The following COL8A2 variants were observed in gnomAD, a reference collection of about 807,000 sequenced individuals.
COL8A2 encodes the protein collagen alpha-2(VIII) chain.
A neutral mutation model predicts 24.0 loss-of-function variants in COL8A2; 16 were observed. The ratio of observed to expected loss-of-function variants is 0.67; its 90% confidence interval spans 0.45 to 1.01. The LOEUF is 1.01. COL8A2 is among the 50% of genes least tolerant of loss of function. The pLI is 0.00. For synonymous variants in COL8A2, 466 were observed against 424.5 expected (o/e 1.10, Z -1.20); for missense variants, 818 against 942.4 (o/e 0.87, Z 1.73).
intron 2 of COL8A2, among the ~76,000 whole-genome samples, chr1:36,101,675 G>A (rs1203974007): frequency 6.6e-6 from 1 of 152,210 alleles, no homozygotes; most frequent in East Asian, 1.9e-4. Flanking sequence ...GCCAAAAGTA[G>A]AGACAACGCA....
At position 36,105,072 on chromosome 1, in the gene COL8A2, G is replaced by A. The variant is rs1404499417; in HGVS notation, c.-16-4814C>T. Among the ~76,000 whole-genome samples, 5 of 152,240 alleles carry A rather than the reference G, an allele frequency of 3.3e-5. No individual in the cohort carries two copies. The East Asian group carries it at 7.7e-4, about 24-fold the overall frequency. Reference sequence around the variant, plus strand: ...GTGGGTTGTGGGCGTCTGGGGATGTGTGTGGGGAGAAGGCCTCCCTCAGGC... The same window carrying A: ...GTGGGTTGTGGGCGTCTGGGGATGTATGTGGGGAGAAGGCCTCCCTCAGGC... On this transcript the variant is annotated intron_variant, in intron 2 of 3. Coordinates refer to ENST00000397799, the MANE Select transcript of COL8A2 (RefSeq NM_005202.4).
At chr1:36,113,504 A>G (rs1030834121) in intron 2 of COL8A2, among the ~76,000 whole-genome samples, 4 of 152,236 alleles carry the variant, frequency 2.6e-5, no homozygotes, top group Admixed American at 6.5e-5. Context: ...TCCCTGGACA[A>G]TGCCTGAGCA....
intron 2 of COL8A2, among the ~76,000 whole-genome samples, chr1:36,101,046 A>G (rs1182142671): frequency 6.6e-6 from 1 of 151,954 alleles, no homozygotes; most frequent in Non-Finnish European, 1.5e-5. Flanking sequence ...GGTGTGTGCC[A>G]CCACGCCTGG....
In COL8A2 at chr1:36,096,547, C is replaced by T. The variant is rs1290003012; in HGVS notation, c.*1022G>A. The T allele has an allele frequency of 1.3e-5, 2 of 152,214 alleles. No individual in the cohort carries two copies. 9.4% of individuals were successfully genotyped at this position (152,214 alleles called of 1,614,324 possible). ...AGTGGGAGCCGTCTTCATCCCCCAGCTCGCGTGCACCTTGTTCAGAGGGCC... is the reference window on the plus strand; with the variant it reads ...AGTGGGAGCCGTCTTCATCCCCCAGTTCGCGTGCACCTTGTTCAGAGGGCC... On this transcript the variant is annotated 3_prime_UTR_variant, in exon 4 of 4. Coordinates refer to ENST00000397799, the MANE Select transcript of COL8A2 (RefSeq NM_005202.4).
chr1:36,100,588 C>T (rs1032294042), intron 2 of COL8A2, among the ~76,000 whole-genome samples: 3 of 152,112 alleles, frequency 2.0e-5, no homozygotes, highest in African/African-American at 7.2e-5. Flanking sequence ...AGTCTGACCT[C>T]CCCTGCTAAA....
At position 36,097,525 on chromosome 1, in the gene COL8A2, C is replaced by G; in HGVS notation, c.*44G>C. ...TTTGTAATTGAAAAGGTCGCTCTAC[C>G]ACTAAAGGGGAGGAGGCCAGGGCAG... On this transcript the variant is annotated 3_prime_UTR_variant, in exon 4 of 4. Coordinates refer to ENST00000397799, the MANE Select transcript of COL8A2 (RefSeq NM_005202.4). The G allele has an allele frequency of 6.9e-7, 1 of 1,451,910 alleles. No homozygotes were observed. Among genetic ancestry groups the G allele is most frequent in the Non-Finnish European group, 9.5e-7 (1 of 1,056,038 alleles). 89.9% of individuals were successfully genotyped at this position (1,451,910 alleles called of 1,614,324 possible).
Position 36,100,139 on chromosome 1 carries a change from G to GC in COL8A2, c.103dup (p.Ala35GlyfsTer24). On this transcript the variant is annotated frameshift_variant, in exon 3 of 4. Transcript: ENST00000397799. LOFTEE classifies it high-confidence loss of function. Reference sequence around the variant, plus strand: ...GTACTTCACTGGGGCATAGCCCGCCGCCCCACCGGCCCCGCCACCAGAGGA... The same window carrying GC: ...GTACTTCACTGGGGCATAGCCCGCCGCCCCCACCGGCCCCGCCACCAGAGGA... 1 of 1,612,056 alleles carries GC rather than the reference G, an allele frequency of 6.2e-7. No homozygotes were observed. The highest frequency in any genetic ancestry group is 1.1e-5 in the South Asian group (1 of 91,042).
At chr1:36,105,524 C>T (rs917480005) in intron 2 of COL8A2, among the ~76,000 whole-genome samples, 2 of 152,240 alleles carry the variant, frequency 1.3e-5, no homozygotes, top group African/African-American at 4.8e-5. Flanking sequence ...GATGGCAGAA[C>T]CCATCAAGGC....
intron 1 of COL8A2, among the ~76,000 whole-genome samples, chr1:36,122,653 C>T (rs1033592163): frequency 6.6e-6 from 1 of 152,152 alleles, no homozygotes; most frequent in African/African-American, 2.4e-5. Flanking sequence ...TTCTTCCTCT[C>T]ATCCCCATGG....
intron 2 of COL8A2, among the ~76,000 whole-genome samples, chr1:36,113,338 G>T (rs1005967344): frequency 7.9e-5 from 12 of 152,178 alleles, no homozygotes; most frequent in African/African-American, 2.9e-4. Context: ...GACACTGTTT[G>T]TCCTTCTCTG....
In COL8A2 at chr1:36,098,088, A is replaced by T; in HGVS notation, c.1593T>A (p.Gly531=). The change falls in exon 4 of 4, where the codon GGT becomes GGA. Residue 531 remains glycine, a synonymous_variant. Transcript: ENST00000397799. ...PGPPGPPGPP[G]APGAFDETGI... The stretch of plus-strand genomic sequence containing the variant: ...CAGTCTCATCGAAGGCCCCAGGGGC[A>T]CCAGGGGGTCCCGGGGGCCCGGGAG... 6.5e-7 allele frequency: 1 copy of T among 1,544,328 alleles called. No homozygotes were observed. Among genetic ancestry groups the T allele is most frequent in the Non-Finnish European group, 8.7e-7 (1 of 1,152,354 alleles).
At chr1:36,100,560 G>A (rs962366389) in intron 2 of COL8A2, among the ~76,000 whole-genome samples, 2 of 152,016 alleles carry the variant, frequency 1.3e-5, no homozygotes, top group African/African-American at 2.4e-5. Flanking sequence ...CTCTGCAGCC[G>A]GGCGTGCCTT....
chr1:36,121,366 G>A (rs1260149384), intron 1 of COL8A2, among the ~76,000 whole-genome samples: 1 of 132,920 alleles, frequency 7.5e-6, no homozygotes. Flanking sequence ...TCCAGCCTGG[G>A]CGACAGAGCC....
At chr1:36,104,477 T>A (rs1466515089) in intron 2 of COL8A2, among the ~76,000 whole-genome samples, 1 of 135,636 alleles carries the variant, frequency 7.4e-6, no homozygotes, top group Non-Finnish European at 1.6e-5. Flanking sequence ...GGTGACAGAG[T>A]GAGACTCTGC....
Position 36,097,727 on chromosome 1 carries a change from T to A in COL8A2, c.1954A>T (p.Lys652Ter). ...VPATYTYDEY[K>*]KGYLDQASGG... Reference sequence around the variant, plus strand: ...GATGCCTGGTCCAGGTAGCCCTTCTTGTACTCATCGTAGGTATAGGTGGCC... The same window carrying A: ...GATGCCTGGTCCAGGTAGCCCTTCTAGTACTCATCGTAGGTATAGGTGGCC... Residue 652 changes from lysine (K) to a stop codon, truncating the protein, a stop_gained, in exon 4 of 4, where the codon AAG (lysine) becomes TAG (stop). Transcript: ENST00000397799. LOFTEE classifies it high-confidence loss of function. 6.2e-7 allele frequency: 1 copy of A among 1,613,740 alleles called. No individual in the cohort carries two copies. Among genetic ancestry groups the A allele is most frequent in the Non-Finnish European group, 8.5e-7 (1 of 1,180,006 alleles).
Position 36,097,469 on chromosome 1 carries a change from T to G in COL8A2, c.*100A>C. On this transcript the variant is annotated 3_prime_UTR_variant, in exon 4 of 4. Coordinates refer to ENST00000397799, the MANE Select transcript of COL8A2 (RefSeq NM_005202.4). The stretch of plus-strand genomic sequence containing the variant: ...CGGGCCAAGGCCACGGCCGCCTCTG[T>G]TCAGCTTTTGTTTTTTTTTCCAGGA... 2 of 1,014,406 alleles carry G rather than the reference T, an allele frequency of 2.0e-6. No individual in the cohort carries two copies. The highest frequency in any genetic ancestry group is 2.9e-6 in the Non-Finnish European group (2 of 678,266). The allele number at this position is 1,014,406 out of a possible 1,614,324, so 62.8% of individuals were successfully genotyped here.
chr1:36,109,503 C>T (rs1243952160), intron 2 of COL8A2, among the ~76,000 whole-genome samples: 2 of 152,150 alleles, frequency 1.3e-5, no homozygotes, highest in Non-Finnish European at 2.9e-5. Context: ...GGATGGGTCA[C>T]TTAAACACTC....
intron 2 of COL8A2, among the ~76,000 whole-genome samples, chr1:36,108,011 G>A (rs10908289): frequency 0.64 from 97,857 of 151,988 alleles, 34,679 homozygotes; most frequent in Non-Finnish European, 0.82. Flanking sequence ...CCTGTACAGG[G>A]CTTGGCTGGC....
chr1:36,110,222 G>C (rs1334442567), intron 2 of COL8A2, among the ~76,000 whole-genome samples: 1 of 149,228 alleles, frequency 6.7e-6, no homozygotes, highest in African/African-American at 2.5e-5. Flanking sequence ...GTGAGCCACC[G>C]CGCCAGGCCT....
Sources: allele counts gnomAD v4.1 joint callset (sites outside exome capture counted in the v4.1 genomes callset), GRCh38; gene constraint gnomAD v4.1.1; transcripts MANE v1.5; gene names NCBI Gene and HGNC (gene_info 2026-07-23, HGNC 2026-07-21).